AKAP13: variants seen among roughly 807,000 people sequenced by gnomAD.
The protein encoded by AKAP13 is A-kinase anchor protein 13.
Under a neutral mutation model 264.5 loss-of-function variants are expected in AKAP13, and 80 were observed. The ratio of observed to expected loss-of-function variants is 0.30; its 90% CI spans 0.25 to 0.36. The LOEUF (loss-of-function observed/expected upper bound fraction) is 0.36, where lower values mean the gene tolerates loss of function less well. AKAP13 is among the 10% of genes least tolerant of loss of function. The pLI is 1.00. For synonymous variants in AKAP13, 1,380 were observed against 1,250.2 expected, an observed-to-expected ratio of 1.10 and a Z score of -2.19; for missense variants, 3,712 against 3,435.2, an observed-to-expected ratio of 1.08 and a Z score of -2.01.
rs1597243005 is a variant in AKAP13, at chr15:85,741,497, T to C, written c.8058+2T>C. 1 of 1,574,000 alleles carries C rather than the reference T, an allele frequency of 6.4e-7. No homozygotes were observed. The highest frequency in any genetic ancestry group is 8.6e-7 in the Non-Finnish European group (1 of 1,156,590). On this transcript the variant is annotated splice_donor_variant, in intron 35 of 36. Coordinates refer to ENST00000394518, the MANE Select transcript of AKAP13 (RefSeq NM_007200.5). LOFTEE classifies it high-confidence loss of function. Reference sequence around the variant, plus strand: ...CAGACAGAACGGGACCTGTGTCAGGTAATGGGACTCCCTGCCGAGAGCAAC... The same window carrying C: ...CAGACAGAACGGGACCTGTGTCAGGCAATGGGACTCCCTGCCGAGAGCAAC...
chr15:85,388,108 C>T (rs960490542), intron 1 of AKAP13, among the ~76,000 whole-genome samples: 10 of 151,606 alleles, frequency 6.6e-5, no homozygotes, highest in African/African-American at 2.4e-4. Context: ...GATCTCAGCT[C>T]ACTGCAACCT....
intron 2 of AKAP13, among the ~76,000 whole-genome samples, chr15:85,520,121 A>G (rs1045422177): frequency 1.1e-4 from 16 of 152,120 alleles, no homozygotes; most frequent in Non-Finnish European, 2.1e-4. Context: ...GGAGAATGCT[A>G]ATAATTAGGA....
chr15:85,652,735 G>T (rs1173873715), intron 10 of AKAP13, among the ~76,000 whole-genome samples: 2 of 152,110 alleles, frequency 1.3e-5, no homozygotes, highest in East Asian at 1.9e-4. Context: ...AGAGAAAATG[G>T]CCTCTCTTCT....
At chr15:85,688,189 A>G (rs2085059215) in intron 16 of AKAP13, among the ~76,000 whole-genome samples, 1 of 152,180 alleles carries the variant, frequency 6.6e-6, no homozygotes, top group African/African-American at 2.4e-5. Flanking sequence ...AAATTAATGA[A>G]TATTAAATTT....
chr15:85,401,475 T>C (rs552506857), intron 1 of AKAP13, among the ~76,000 whole-genome samples: 4 of 152,206 alleles, frequency 2.6e-5, no homozygotes, highest in Non-Finnish European at 5.9e-5. Flanking sequence ...TTGATTTGTT[T>C]TCTCTGTTAC....
chr15:85,554,340 A>T (rs1387293794), intron 5 of AKAP13, among the ~76,000 whole-genome samples: 1 of 152,162 alleles, frequency 6.6e-6, no homozygotes, highest in Non-Finnish European at 1.5e-5. Flanking sequence ...TTATTTGGAG[A>T]GCTAGGAAGG....
chr15:85,682,831 C>A (rs569806219), intron 15 of AKAP13, among the ~76,000 whole-genome samples: 1 of 152,130 alleles, frequency 6.6e-6, no homozygotes. Flanking sequence ...CCATGCCCAG[C>A]TAATTTTGTA....
At chr15:85,393,303 T>TG (rs1393359631) in intron 1 of AKAP13, among the ~76,000 whole-genome samples, 2 of 152,158 alleles carry the variant, frequency 1.3e-5, no homozygotes, top group African/African-American at 2.4e-5. Flanking sequence ...GGGAGTTATT[T>TG]GGGGAAAAAA....
At chr15:85,507,343 C>G (rs575770013) in intron 2 of AKAP13, among the ~76,000 whole-genome samples, 2 of 149,488 alleles carry the variant, frequency 1.3e-5, no homozygotes, top group Admixed American at 6.7e-5. Flanking sequence ...ACAGTCACTC[C>G]CATTTCTTTA....
intron 1 of AKAP13, among the ~76,000 whole-genome samples, chr15:85,457,641 A>C (rs899595016): frequency 6.6e-6 from 1 of 152,200 alleles, no homozygotes. Flanking sequence ...CAAACCAAAT[A>C]ATTTGCCTTT....
intron 2 of AKAP13, among the ~76,000 whole-genome samples, chr15:85,515,402 T>C (rs1268327472): frequency 7.2e-6 from 1 of 138,666 alleles, no homozygotes; most frequent in Non-Finnish European, 1.5e-5. Context: ...CCAAACGCTT[T>C]GTTGTGTGGT....
rs1349953552 is a variant in AKAP13 at position 85,718,053 on chromosome 15, G to T, written c.5895G>T (p.Glu1965Asp). 1 of 1,614,154 alleles carries T rather than the reference G, an allele frequency of 6.2e-7. No homozygotes were observed. The change falls in exon 22 of 37, where the codon GAG becomes GAT. Residue 1965 changes from glutamate to aspartate, a missense_variant. Transcript: ENST00000394518. This position sits in a 1 kb window ranked among gnomAD's most constrained non-coding sequence, Gnocchi z 4.9. ...AAGGACAACTACTGGGAGACTTTGA[G>T]ATTGAGTCCAAACAGCTGGAAGCAG... ...MNEGQLLGDF[E>D]IESKQLEAES...
At chr15:85,507,720 C>T (rs1250384264) in intron 2 of AKAP13, among the ~76,000 whole-genome samples, 2 of 152,232 alleles carry the variant, frequency 1.3e-5, no homozygotes, top group African/African-American at 4.8e-5. Context: ...ATGGGAGCTT[C>T]TGGGGACTGG....
intron 1 of AKAP13, among the ~76,000 whole-genome samples, chr15:85,461,339 C>G (rs2074503854): frequency 6.6e-6 from 1 of 152,194 alleles, no homozygotes; most frequent in South Asian, 2.1e-4. Flanking sequence ...TGGTCTCAAA[C>G]TCCTGACTTC....
At chr15:85,598,293 G>C (rs1427793456) in intron 8 of AKAP13, among the ~76,000 whole-genome samples, 1 of 152,160 alleles carries the variant, frequency 6.6e-6, no homozygotes, top group Non-Finnish European at 1.5e-5. Flanking sequence ...GAGGATGCAT[G>C]ATGAGAAGCA....
chr15:85,581,380 A>T lies in AKAP13; in HGVS notation c.3312A>T (p.Arg1104Ser), dbSNP rs577375027. ...VNALQGMAEP[R>S]RENISHNTQD... ...CTCTACAAGGTATGGCTGAGCCCAG[A>T]AGAGAGAATATATCACACAACACCC... Residue 1104 changes from arginine to serine, a missense_variant, in exon 7 of 37, where the codon AGA (arginine) becomes AGT (serine). Physicochemically the swap from Arg to Ser is moderately radical, Grantham distance 110 (BLOSUM62 -1). Transcript: ENST00000394518. 2 of 1,614,232 alleles carry T rather than the reference A, an allele frequency of 1.2e-6. No individual in the cohort carries two copies. The highest frequency in any genetic ancestry group is 2.7e-5 in the African/African-American group (2 of 75,056).
intron 5 of AKAP13, among the ~76,000 whole-genome samples, chr15:85,551,013 C>G (rs1049445218): frequency 4.6e-5 from 7 of 152,178 alleles, no homozygotes; most frequent in African/African-American, 1.7e-4. Flanking sequence ...GCAGCTTGTC[C>G]AAGGCCGTAT....
intron 6 of AKAP13, among the ~76,000 whole-genome samples, chr15:85,576,953 A>G (rs910591242): frequency 6.6e-6 from 1 of 152,200 alleles, no homozygotes; most frequent in Admixed American, 6.5e-5. Context: ...AGGCAACACT[A>G]CTTGTTTCGC....
Position 85,668,841 on chromosome 15 carries a change from G to A in AKAP13, c.4993-881G>A, listed in dbSNP as rs138802640. On this transcript the variant is annotated intron_variant, in intron 13 of 36. Coordinates refer to ENST00000394518, the MANE Select transcript of AKAP13 (RefSeq NM_007200.5). ...CCCTGTAATCCCAGCTACTCAGGAG[G>A]CTGAGGCGGGAGAATCGCTTGAACC... Among the ~76,000 whole-genome samples, 680 of 151,498 alleles carry A rather than the reference G, an allele frequency of 4.5e-3. 3 individuals carry two copies. The highest frequency in any genetic ancestry group is 0.016 in the African/African-American group (645 of 41,272).
Sources: allele counts gnomAD v4.1 joint callset (sites outside exome capture counted in the v4.1 genomes callset), GRCh38; gene constraint gnomAD v4.1.1; non-coding constraint Gnocchi (gnomAD v3.1); transcripts MANE v1.5; gene names NCBI Gene and HGNC (gene_info 2026-07-23, HGNC 2026-07-21).